DMRTA1: variants seen among roughly 807,000 people sequenced by gnomAD.
DMRTA1 encodes doublesex- and mab-3-related transcription factor A1.
Under a neutral mutation model 35.2 loss-of-function variants are expected in DMRTA1, and 34 were observed. The ratio of observed to expected loss-of-function variants is 0.97; its 90% CI spans 0.74 to 1.29. The LOEUF is 1.29. DMRTA1 is among the 50% of genes most tolerant of loss of function. The pLI, the probability that DMRTA1 is intolerant of heterozygous loss-of-function variation, is 0.00. For synonymous variants in DMRTA1, 344 were observed against 276.6 expected (o/e 1.24, Z -2.42); for missense variants, 824 against 644.6 (o/e 1.28, Z -3.01).
At chr9:22,448,165 G>C (rs939005408) in intron 1 of DMRTA1, among the ~76,000 whole-genome samples, 2 of 152,128 alleles carry the variant, frequency 1.3e-5, no homozygotes, top group Non-Finnish European at 2.9e-5. Flanking sequence ...CTGGAGTGCA[G>C]TGGCGCCATT....
intron 1 of DMRTA1, among the ~76,000 whole-genome samples, chr9:22,449,733 T>C (rs1329462984): frequency 6.6e-6 from 1 of 152,136 alleles, no homozygotes; most frequent in Non-Finnish European, 1.5e-5. Flanking sequence ...ACATTCTTTT[T>C]TTCATATGCT....
rs56665855 is a variant in DMRTA1 at position 22,452,042 on chromosome 9, G to GTT, written c.*142_*143dup. 464 of 846,540 alleles carry GTT rather than the reference G, an allele frequency of 5.5e-4. No homozygotes were observed. Among genetic ancestry groups the GTT allele is most frequent in the East Asian group, 7.7e-4 (22 of 28,754 alleles). The allele number at this position is 846,540 out of a possible 1,614,324, so 52.4% of individuals were successfully genotyped here. ...GGATTATGAGGTCTTAAAATGCTGG[G>GTT]TTTTTTTTTTTTCAAGCAATATAAT... On this transcript the variant is annotated 3_prime_UTR_variant, in exon 2 of 2. Transcript: ENST00000325870.
intron 1 of DMRTA1, among the ~76,000 whole-genome samples, chr9:22,448,225 T>C (rs1195971853): frequency 2.0e-5 from 3 of 152,122 alleles, no homozygotes; most frequent in Non-Finnish European, 4.4e-5. Flanking sequence ...TCCTCCCTGC[T>C]CTGGACTGTT....
chr9:22,449,819 C>T (rs1250034751), intron 1 of DMRTA1, among the ~76,000 whole-genome samples: 2 of 152,002 alleles, frequency 1.3e-5, no homozygotes, highest in Non-Finnish European at 2.9e-5. Flanking sequence ...TTAAAATAAA[C>T]TATAGCTATT....
Position 22,451,879 on chromosome 9 carries a change from C to G in DMRTA1, c.1483C>G (p.Leu495Val). The G allele has an allele frequency of 6.2e-7, 1 of 1,613,956 alleles. No homozygotes were observed. Among genetic ancestry groups the G allele is most frequent in the Non-Finnish European group, 8.5e-7 (1 of 1,179,870 alleles). The change falls in exon 2 of 2, where the codon CTG becomes GTG. Residue 495 changes from leucine to valine, a missense_variant. Leu to Val is a conservative substitution (Grantham distance 32). Transcript: ENST00000325870. Reference sequence around the variant, plus strand: ...TAAAGACTCAATAACTTGTGGCAGACTGTACTTCAGACCAAATCAGGACAA... The same window carrying G: ...TAAAGACTCAATAACTTGTGGCAGAGTGTACTTCAGACCAAATCAGGACAA... ...SSKDSITCGRLYFRPNQDNP is the reference protein window; with the variant it reads ...SSKDSITCGRVYFRPNQDNP
In DMRTA1 at chr9:22,447,628, C is replaced by T. The variant is rs774066479; in HGVS notation, c.563C>T (p.Pro188Leu). 4.3e-6 allele frequency: 7 copies of T among 1,611,110 alleles called. No individual in the cohort carries two copies. The highest frequency in any genetic ancestry group is 2.7e-5 in the African/African-American group (2 of 74,970). The change falls in exon 1 of 2, where the codon CCT becomes CTT. Residue 188 changes from proline to leucine, a missense_variant. Coordinates refer to ENST00000325870, the MANE Select transcript of DMRTA1 (RefSeq NM_022160.3). ...GAGAATCCACAGTCCACGGGCGGCC[C>T]TGCGGCGGGGGCTGCGCTGGGACTG... Reference protein sequence around the residue: ...RAENPQSTGGPAAGAALGLGA... With the variant: ...RAENPQSTGGLAAGAALGLGA...
rs544971501 is a variant in DMRTA1, at chr9:22,447,827, A to G, written c.667+95A>G. The G allele has an allele frequency of 1.2e-4, 176 of 1,459,350 alleles. 1 individual carries two copies. The South Asian group carries it at 1.3e-3, about 11-fold the overall frequency. The allele number at this position is 1,459,350 out of a possible 1,614,324, so 90.4% of individuals were successfully genotyped here. ...ACCGTGTCCATAGGCGGGCAGGAATAGTTGTTTAAAAGAAACACTTTAAGT... is the reference window on the plus strand; with the variant it reads ...ACCGTGTCCATAGGCGGGCAGGAATGGTTGTTTAAAAGAAACACTTTAAGT... On this transcript the variant is annotated intron_variant, in intron 1 of 1. Coordinates refer to ENST00000325870, the MANE Select transcript of DMRTA1 (RefSeq NM_022160.3).
rs1818860532 is a variant in DMRTA1, at chr9:22,447,682, C to A, written c.617C>A (p.Ala206Glu). Residue 206 changes from alanine (A) to glutamate (E), a missense_variant, in exon 1 of 2, where the codon GCG (alanine) becomes GAG (glutamate). Physicochemically the swap from Ala to Glu is moderately radical, Grantham distance 107. Transcript: ENST00000325870. ...LGALRQASGS[A>E]TPAFEVFQQD... ...GCCTTGAGACAGGCCAGTGGTTCCG[C>A]GACCCCCGCTTTCGAAGTTTTCCAG... 1 of 1,612,884 alleles carries A rather than the reference C, an allele frequency of 6.2e-7. No homozygotes were observed. The highest frequency in any genetic ancestry group is 2.2e-5 in the East Asian group (1 of 44,844).
In DMRTA1 at chr9:22,447,085, G is replaced by C. The variant is rs1279481489; in HGVS notation, c.20G>C (p.Gly7Ala). Residue 7 changes from glycine (G) to alanine (A), a missense_variant, in exon 1 of 2, where the codon GGC becomes GCC. Gly to Ala is a moderately conservative substitution (Grantham distance 60). Coordinates refer to ENST00000325870, the MANE Select transcript of DMRTA1 (RefSeq NM_022160.3). ...TCGGGAATGGAGCGGTCACAGTGTG[G>C]CAGCAGAGACCGAGGCGTTAGCGGC... MERSQC[G>A]SRDRGVSGRP... is the part of the protein sequence containing the mutation. The C allele has an allele frequency of 6.2e-7, 1 of 1,609,582 alleles. No individual in the cohort carries two copies. The highest frequency in any genetic ancestry group is 1.7e-5 in the Admixed American group (1 of 59,782).
Position 22,447,696 on chromosome 9 carries a change from G to A in DMRTA1, c.631G>A (p.Glu211Lys), listed in dbSNP as rs558506579. ...CAGTGGTTCCGCGACCCCCGCTTTC[G>A]AAGTTTTCCAGCAAGATTATCCTGA... The part of the protein sequence containing the change: ...QASGSATPAF[E>K]VFQQDYPEEK... The change falls in exon 1 of 2, where the codon GAA (glutamate) becomes AAA (lysine). Residue 211 changes from glutamate (E) to lysine (K), a missense_variant. Physicochemically the swap from Glu to Lys is moderately conservative, Grantham distance 56. Coordinates refer to ENST00000325870, the MANE Select transcript of DMRTA1 (RefSeq NM_022160.3). 1.2e-5 allele frequency: 19 copies of A among 1,613,370 alleles called. No homozygotes were observed. The highest frequency in any genetic ancestry group is 1.4e-5 in the Non-Finnish European group (16 of 1,180,006).
rs556658012 is a variant in DMRTA1 at position 22,451,978 on chromosome 9, C to A, written c.*67C>A. On this transcript the variant is annotated 3_prime_UTR_variant, in exon 2 of 2. Transcript: ENST00000325870. ...CAATACATGCACGTGCACACACATA[C>A]ACACACATCCATTAATATACTTCAG... 76 of 1,543,192 alleles carry A rather than the reference C, an allele frequency of 4.9e-5. No individual in the cohort carries two copies. The South Asian group carries it at 8.4e-4, about 17-fold the overall frequency.
rs201374002 is a variant in DMRTA1, at chr9:22,451,232, C to G, written c.836C>G (p.Ser279Cys). The change falls in exon 2 of 2, where the codon TCT becomes TGT. Residue 279 changes from serine (S) to cysteine (C), a missense_variant. Coordinates refer to ENST00000325870, the MANE Select transcript of DMRTA1 (RefSeq NM_022160.3). ...TCCAACAAGCCTGATAGTATCCTGT[C>G]TCCTCATCCTGGAGAGCAATCAGGA... ...EYSNKPDSIL[S>C]PHPGEQSGGE... 335 of 1,613,984 alleles carry G rather than the reference C, an allele frequency of 2.1e-4. No homozygotes were observed. The highest frequency in any genetic ancestry group is 1.6e-4 in the Middle Eastern group (1 of 6,084).
rs1290600623 is a variant in DMRTA1 at position 22,447,737 on chromosome 9, G to C, written c.667+5G>C. 4 of 1,613,200 alleles carry C rather than the reference G, an allele frequency of 2.5e-6. No homozygotes were observed. The highest frequency in any genetic ancestry group is 3.4e-6 in the Non-Finnish European group (4 of 1,179,978). On this transcript the variant is annotated splice_donor_5th_base_variant and intron_variant, in intron 1 of 1. Coordinates refer to ENST00000325870, the MANE Select transcript of DMRTA1 (RefSeq NM_022160.3). ...ATTATCCTGAGGAAAAACAAGGTGA[G>C]TTGGTCTTTGATTTACTCTTTGCTC...
Position 22,451,727 on chromosome 9 carries a change from C to T in DMRTA1, c.1331C>T (p.Ala444Val), listed in dbSNP as rs1362500735. 2 of 1,613,976 alleles carry T rather than the reference C, an allele frequency of 1.2e-6. No individual in the cohort carries two copies. The highest frequency in any genetic ancestry group is 1.1e-5 in the South Asian group (1 of 91,082). ...ISPLRLAYSS[A>V]GRGLSGFMSP... ...CCATTAAGGCTGGCATATTCTTCTG[C>T]AGGAAGAGGGTTATCTGGTTTTATG... is the stretch of plus-strand genomic sequence containing the variant. Residue 444 changes from alanine to valine, a missense_variant, in exon 2 of 2, where the codon GCA becomes GTA. By Grantham distance (64) the Ala-to-Val change is moderately conservative (BLOSUM62 0). Transcript: ENST00000325870.
At position 22,446,864 on chromosome 9, in the gene DMRTA1, T is replaced by A; in HGVS notation, c.-202T>A. 1 of 623,370 alleles carries A rather than the reference T, an allele frequency of 1.6e-6. No homozygotes were observed. The highest frequency in any genetic ancestry group is 2.1e-5 in the South Asian group (1 of 48,184). The allele number at this position is 623,370 out of a possible 1,614,324, so 38.6% of individuals were successfully genotyped here. A position where few individuals can be genotyped will look rare whatever the true frequency, so the allele number is the denominator to read the frequency against. On this transcript the variant is annotated 5_prime_UTR_variant, in exon 1 of 2. Coordinates refer to ENST00000325870, the MANE Select transcript of DMRTA1 (RefSeq NM_022160.3). ...GTCTCTGCCAGGCTCACGGGACAGC[T>A]GCACCTCTCAGCGTCTCCAGCTCCA...
Position 22,447,076 on chromosome 9 carries a change from C to G in DMRTA1, c.11C>G (p.Ser4Ter). ...AGAAATTTCTCGGGAATGGAGCGGTCACAGTGTGGCAGCAGAGACCGAGGC... is the reference window on the plus strand; with the variant it reads ...AGAAATTTCTCGGGAATGGAGCGGTGACAGTGTGGCAGCAGAGACCGAGGC... The part of the protein sequence containing the change: MER[S>*]QCGSRDRGVS... Residue 4 changes from serine to a stop codon, truncating the protein, a stop_gained, in exon 1 of 2, where the codon TCA becomes TGA. Transcript: ENST00000325870. LOFTEE classifies it high-confidence loss of function. 2 of 1,609,288 alleles carry G rather than the reference C, an allele frequency of 1.2e-6. No homozygotes were observed. The highest frequency in any genetic ancestry group is 1.7e-4 in the Middle Eastern group (1 of 6,048).
At position 22,451,200 on chromosome 9, in the gene DMRTA1, A is replaced by G; in HGVS notation, c.804A>G (p.Ser268=). The G allele has an allele frequency of 1.2e-6, 2 of 1,614,138 alleles. No homozygotes were observed. Among genetic ancestry groups the G allele is most frequent in the East Asian group, 2.2e-5 (1 of 44,882 alleles). ...AACAAAGTATCGGGTCATCTATTTCAGAATACTCCAACAAGCCTGATAGTA... is the reference window on the plus strand; with the variant it reads ...AACAAAGTATCGGGTCATCTATTTCGGAATACTCCAACAAGCCTGATAGTA... ...IGKQSIGSSI[S]EYSNKPDSIL... is the part of the protein sequence containing the mutation. The change falls in exon 2 of 2, where the codon TCA becomes TCG. Residue 268 remains serine (S), a synonymous_variant. Coordinates refer to ENST00000325870, the MANE Select transcript of DMRTA1 (RefSeq NM_022160.3).
In DMRTA1 at chr9:22,447,561, T is replaced by G. The variant is rs764755749; in HGVS notation, c.496T>G (p.Trp166Gly). The change falls in exon 1 of 2, where the codon TGG becomes GGG. Residue 166 changes from tryptophan to glycine, a missense_variant. By Grantham distance (184) the Trp-to-Gly change is radical. Transcript: ENST00000325870. ...GAGGCTCCTGTGCTCGGGGCTCTCC[T>G]GGCCCCCCGGTGGTCGGGCATCCGG... ...LQRLLCSGLS[W>G]PPGGRASGGG... 6.3e-7 allele frequency: 1 copy of G among 1,595,536 alleles called. No homozygotes were observed. The highest frequency in any genetic ancestry group is 8.5e-7 in the Non-Finnish European group (1 of 1,171,668).
rs745351742 is a variant in DMRTA1, at chr9:22,453,166, G to T, written c.*1255G>T. On this transcript the variant is annotated 3_prime_UTR_variant, in exon 2 of 2. Transcript: ENST00000325870. Reference sequence around the variant, plus strand: ...ACAGTAGCTTCATTGTTATTATTAGGAATAAATGGAAGCCCACTGGTGGTA... The same window carrying T: ...ACAGTAGCTTCATTGTTATTATTAGTAATAAATGGAAGCCCACTGGTGGTA... 2.0e-5 allele frequency: 3 copies of T among 151,928 alleles called. No homozygotes were observed. Among genetic ancestry groups the T allele is most frequent in the Non-Finnish European group, 4.4e-5 (3 of 67,908 alleles). The allele number at this position is 151,928 out of a possible 1,614,324, so 9.4% of individuals were successfully genotyped here. A position where few individuals can be genotyped will look rare whatever the true frequency, so the allele number is the denominator to read the frequency against.
Sources: gnomAD v4.1 joint callset for allele counts (sites outside exome capture counted in the v4.1 genomes callset) on GRCh38, gnomAD v4.1.1 for gene constraint, MANE v1.5 for transcripts, NCBI Gene and HGNC (gene_info 2026-07-23, HGNC 2026-07-21) for gene names.